Variants in PCDH7 observed in about 807,000 individuals in gnomAD.
The protein encoded by PCDH7 is protocadherin-7.
In PCDH7, 17 loss-of-function variants were observed where a neutral mutation model predicts 58.9. The observed-to-expected ratio is 0.29, with a 90% CI of 0.20 to 0.43. The LOEUF (loss-of-function observed/expected upper bound fraction) is 0.43. PCDH7 is among the 20% of genes least tolerant of loss of function. The probability of loss-of-function intolerance (pLI) is 1.00; values close to 1 mark genes in which losing one functional copy is unlikely to be tolerated. For missense variants in PCDH7, 1,274 were observed against 1,441.0 expected, an observed-to-expected ratio of 0.88 and a Z score of 1.88; for synonymous variants, 664 against 616.4, an observed-to-expected ratio of 1.08 and a Z score of -1.14.
intron 3 of PCDH7, among the ~76,000 whole-genome samples, chr4:30,951,358 A>G (rs1029560601): frequency 6.6e-6 from 1 of 152,176 alleles, no homozygotes; most frequent in African/African-American, 2.4e-5. Flanking sequence ...AGTCTGGACC[A>G]TTAATCTTCA....
intron 1 of PCDH7, among the ~76,000 whole-genome samples, chr4:30,897,219 T>G (rs1436537152): frequency 6.6e-6 from 1 of 152,072 alleles, no homozygotes; most frequent in East Asian, 1.9e-4. Context: ...GTTCTTTGTT[T>G]ACAACACTAA....
chr4:30,752,119 T>A (rs1718608147), intron 1 of PCDH7, among the ~76,000 whole-genome samples: 1 of 152,102 alleles, frequency 6.6e-6, no homozygotes, highest in African/African-American at 2.4e-5. Flanking sequence ...CTTTATTACT[T>A]TTTTTCTTTC....
intron 3 of PCDH7, among the ~76,000 whole-genome samples, chr4:30,976,983 C>T (rs946587176): frequency 2.0e-5 from 3 of 152,014 alleles, no homozygotes; most frequent in Non-Finnish European, 4.4e-5. Context: ...TAAATCTATG[C>T]TGTTTGTTTG....
At chr4:30,877,670 T>G (rs898892179) in intron 1 of PCDH7, among the ~76,000 whole-genome samples, 2 of 152,206 alleles carry the variant, frequency 1.3e-5, no homozygotes, top group African/African-American at 4.8e-5. Flanking sequence ...CTTTTTTCCA[T>G]AATTTAGTTT....
At chr4:31,026,755 G>GA (rs141371118) in intron 3 of PCDH7, among the ~76,000 whole-genome samples, 1 of 151,988 alleles carries the variant, frequency 6.6e-6, no homozygotes, top group Non-Finnish European at 1.5e-5. Flanking sequence ...CCTTTGGGGG[G>GA]AAAAAACCTG....
intron 1 of PCDH7, among the ~76,000 whole-genome samples, chr4:30,799,757 A>G (rs1383146541): frequency 1.3e-5 from 2 of 152,182 alleles, no homozygotes; most frequent in African/African-American, 2.4e-5. Context: ...AGGTTTCCTT[A>G]CCAGACTTAT....
At chr4:30,841,312 A>G (rs1458322739) in intron 1 of PCDH7, among the ~76,000 whole-genome samples, 2 of 152,204 alleles carry the variant, frequency 1.3e-5, no homozygotes, top group East Asian at 3.9e-4. Flanking sequence ...GGAGGTTTTT[A>G]TAGGGGAAAT....
At chr4:31,121,939 T>G (rs1304926386) in intron 3 of PCDH7, among the ~76,000 whole-genome samples, 2 of 152,124 alleles carry the variant, frequency 1.3e-5, no homozygotes, top group African/African-American at 2.4e-5. Context: ...TTAGTAGCGC[T>G]GGAGTTAAGT....
chr4:30,933,723 C>A (rs1744970132), intron 2 of PCDH7, among the ~76,000 whole-genome samples: 1 of 152,128 alleles, frequency 6.6e-6, no homozygotes, highest in Non-Finnish European at 1.5e-5. Context: ...TGCTGTTACT[C>A]TTGTGTAGGT....
intron 2 of PCDH7, among the ~76,000 whole-genome samples, chr4:30,927,835 AC>A (rs1261128776): frequency 3.7e-5 from 5 of 135,652 alleles, no homozygotes; most frequent in Non-Finnish European, 7.9e-5. Context: ...TCTGCGAGAA[AC>A]ACCCAAGAAT....
At chr4:30,989,934 C>T (rs139130024) in intron 3 of PCDH7, among the ~76,000 whole-genome samples, 2,132 of 152,162 alleles carry the variant, frequency 0.014, 47 homozygotes, top group African/African-American at 0.049. Context: ...AATTTATTCA[C>T]ATGCCATTGA....
chr4:30,989,436 T>G (rs1011976110), intron 3 of PCDH7, among the ~76,000 whole-genome samples: 1 of 152,228 alleles, frequency 6.6e-6, no homozygotes, highest in Non-Finnish European at 1.5e-5. Flanking sequence ...GTAGTGTGCC[T>G]GCAGCGTGCA....
At chr4:31,129,771 T>C (rs1718746492) in intron 3 of PCDH7, among the ~76,000 whole-genome samples, 1 of 152,034 alleles carries the variant, frequency 6.6e-6, no homozygotes, top group Non-Finnish European at 1.5e-5. Flanking sequence ...TAGCTGGGAT[T>C]ACAGGTGCCA....
At position 30,831,831 on chromosome 4, in the gene PCDH7, A is replaced by G. The variant is rs138332582; in HGVS notation, c.71-88322A>G. ...ATTATTGATGAATATTCAATCATCA[A>G]TAAACTTCTTTGTCATGCTCTGCTA... On this transcript the variant is annotated intron_variant, in intron 1 of 3. Transcript: ENST00000509759. Among the ~76,000 whole-genome samples the G allele has an allele frequency of 5.4e-3, 819 of 152,056 alleles. 13 individuals are homozygous for G. Among genetic ancestry groups the G allele is most frequent in the African/African-American group, 0.019 (784 of 41,554 alleles).
chr4:30,970,573 A>T (rs559399314), intron 3 of PCDH7, among the ~76,000 whole-genome samples: 2 of 152,212 alleles, frequency 1.3e-5, no homozygotes, highest in South Asian at 4.1e-4. Context: ...GATTAAAGGC[A>T]TAAGCCACCG....
At chr4:30,739,694 T>C (rs868279310) in intron 1 of PCDH7, among the ~76,000 whole-genome samples, 1 of 152,154 alleles carries the variant, frequency 6.6e-6, no homozygotes, top group Non-Finnish European at 1.5e-5. Context: ...TTATGTGTAG[T>C]GGACGTATTC....
intron 3 of PCDH7, among the ~76,000 whole-genome samples, chr4:31,110,662 T>C (rs748004089): frequency 1.1e-4 from 16 of 152,108 alleles, no homozygotes; most frequent in Non-Finnish European, 1.9e-4. Context: ...ACGCCTGTAA[T>C]CCCAGCGCTT....
intron 3 of PCDH7, among the ~76,000 whole-genome samples, chr4:30,954,209 T>C (rs1474952545): frequency 2.0e-5 from 3 of 152,178 alleles, no homozygotes; most frequent in African/African-American, 7.2e-5. Flanking sequence ...TATGGCCTTT[T>C]CCAGAACTAG....
intron 1 of PCDH7, among the ~76,000 whole-genome samples, chr4:30,889,878 G>C (rs543533610): frequency 6.6e-6 from 1 of 152,250 alleles, no homozygotes; most frequent in South Asian, 2.1e-4. Context: ...TCAGACCATA[G>C]CAGCATCATA....
Sources: gnomAD v4.1 joint callset for allele counts (sites outside exome capture counted in the v4.1 genomes callset) on GRCh38, gnomAD v4.1.1 for gene constraint, MANE v1.5 for transcripts, NCBI Gene and HGNC (gene_info 2026-07-23, HGNC 2026-07-21) for gene names.